EPS8: variants seen among roughly 807,000 people sequenced by gnomAD.
The protein encoded by EPS8 is epidermal growth factor receptor kinase substrate 8.
Under a neutral mutation model 103.8 loss-of-function variants are expected in EPS8, and 42 were observed. The ratio of observed to expected loss-of-function variants is 0.40; its 90% CI spans 0.32 to 0.52. The LOEUF (loss-of-function observed/expected upper bound fraction) is 0.52. EPS8 is among the 20% of genes least tolerant of loss of function. The pLI is 0.40. For missense variants in EPS8, 969 were observed against 1,005.1 expected, an observed-to-expected ratio of 0.96 and a Z score of 0.49; for synonymous variants, 344 against 344.6, an observed-to-expected ratio of 1.00 and a Z score of 0.02.
At chr12:15,712,396 A>T (rs1946477443) in intron 1 of EPS8, among the ~76,000 whole-genome samples, 1 of 152,242 alleles carries the variant, frequency 6.6e-6, no homozygotes, top group Non-Finnish European at 1.5e-5. Flanking sequence ...TCATAGTACA[A>T]CTAACATTGT....
chr12:15,657,914 G>A, intron 12 of EPS8, 165 bp downstream of exon 12: 1 of 597,076 alleles, frequency 1.7e-6, no homozygotes, highest in Non-Finnish European at 3.0e-6. Context: ...GATTTACAGG[G>A]TTCTTTTAAA....
At position 15,769,814 on chromosome 12, in the gene EPS8, A is replaced by AG. The variant is rs1947134307; in HGVS notation, c.-22+19346_-22+19347insC. Among the ~76,000 whole-genome samples the AG allele has an allele frequency of 6.6e-6, 1 of 152,190 alleles. No individual in the cohort carries two copies. The highest frequency in any genetic ancestry group is 2.4e-5 in the African/African-American group (1 of 41,446). On this transcript the variant is annotated intron_variant, in intron 1 of 20. Coordinates refer to ENST00000281172, the MANE Select transcript of EPS8 (RefSeq NM_004447.6). This position sits in a 1 kb window ranked among gnomAD's most constrained non-coding sequence, Gnocchi z 4.6. ...CAAAAATTTCCTGAACTTTCTGACC[A>AG]AAGTCATGTTTTATTATTTCTCAGA... is the stretch of plus-strand genomic sequence containing the variant.
chr12:15,721,385 T>A lies in EPS8; in HGVS notation c.-21-38413A>T, dbSNP rs1232588466. On this transcript the variant is annotated intron_variant, in intron 1 of 20. Coordinates refer to ENST00000281172, the MANE Select transcript of EPS8 (RefSeq NM_004447.6). This position sits in a 1 kb window ranked among gnomAD's most constrained non-coding sequence, Gnocchi z 4.4. ...TAACTCCAGTAGCTCATCTCCAAAC[T>A]GTTTTCCTAGATGTAATGAGGGAAA... Among the ~76,000 whole-genome samples, 1 of 152,168 alleles carries A rather than the reference T, an allele frequency of 6.6e-6. No individual in the cohort carries two copies. Among genetic ancestry groups the A allele is most frequent in the East Asian group, 1.9e-4 (1 of 5,190 alleles).
At chr12:15,724,131 T>C (rs1946627630) in intron 1 of EPS8, among the ~76,000 whole-genome samples, 1 of 152,196 alleles carries the variant, frequency 6.6e-6, no homozygotes, top group Non-Finnish European at 1.5e-5. Context: ...TTGATGTCAA[T>C]ATTCAATCCT....
chr12:15,648,357 T>C (rs538041582), intron 14 of EPS8, among the ~76,000 whole-genome samples: 1 of 152,352 alleles, frequency 6.6e-6, no homozygotes, highest in East Asian at 1.9e-4. Flanking sequence ...TATGGATTCA[T>C]TGGGGCAAAA....
chr12:15,631,510 C>T lies in EPS8; in HGVS notation c.1976G>A (p.Ser659Asn). The T allele has an allele frequency of 1.9e-6, 3 of 1,613,978 alleles. No individual in the cohort carries two copies. The highest frequency in any genetic ancestry group is 2.2e-5 in the South Asian group (2 of 91,076). The change falls in exon 18 of 21, where the codon AGC (serine) becomes AAC (asparagine). Residue 659 changes from serine to asparagine, a missense_variant. Transcript: ENST00000281172. ...ACTGCCACCACTGTCACTGGAGCTG[C>T]TGTTTTGACGTGTTATATTTGCTGG... ...KVPANITRQNSSSSDSGGSIV... is the reference protein window; with the variant it reads ...KVPANITRQNNSSSDSGGSIV...
At chr12:15,730,976 C>T (rs933796896) in intron 1 of EPS8, among the ~76,000 whole-genome samples, 1 of 152,054 alleles carries the variant, frequency 6.6e-6, no homozygotes, top group Non-Finnish European at 1.5e-5. Flanking sequence ...ATGTTAAATA[C>T]TGCTTTAAAA....
rs1355773287 is a variant in EPS8 at position 15,745,873 on chromosome 12, G to C, written c.-22+43288C>G. 6.6e-6 allele frequency among the ~76,000 whole-genome samples: 1 copy of C among 152,180 alleles called. No individual in the cohort carries two copies. The highest frequency in any genetic ancestry group is 6.5e-5 in the Admixed American group (1 of 15,274). On this transcript the variant is annotated intron_variant, in intron 1 of 20. Transcript: ENST00000281172. The surrounding 1 kb of genome is among the most constrained non-coding windows in gnomAD (Gnocchi z 4.6). ...CAAATACGTTGTCCAAATGAAACTA[G>C]TTAACATTATTAAACTGAATTACTA...
intron 1 of EPS8, among the ~76,000 whole-genome samples, chr12:15,765,035 T>C (rs1034373943): frequency 1.3e-5 from 2 of 152,234 alleles, no homozygotes; most frequent in Non-Finnish European, 2.9e-5. Context: ...AGGTTATAAT[T>C]GACCTTAGAA....
At chr12:15,753,528 C>T (rs527442100) in intron 1 of EPS8, among the ~76,000 whole-genome samples, 166 of 151,870 alleles carry the variant, frequency 1.1e-3, no homozygotes, top group Non-Finnish European at 1.9e-3. Context: ...AAGCATAAGT[C>T]GCATCAGATT....
At position 15,662,090 on chromosome 12, in the gene EPS8, G is replaced by A; in HGVS notation, c.746C>T (p.Pro249Leu). ...WAADQGDFEK[P>L]RQYHEQEETP... ...TTCTTCCTGCTCATGATACTGCCTT[G>A]GTTTCTCAACTATAGAAAGGACAAT... Residue 249 changes from proline (P) to leucine (L), a missense_variant, in exon 9 of 21, where the codon CCA (proline) becomes CTA (leucine). By Grantham distance (98) the Pro-to-Leu change is moderately conservative. Transcript: ENST00000281172. 1 of 1,613,266 alleles carries A rather than the reference G, an allele frequency of 6.2e-7. No individual in the cohort carries two copies. Among genetic ancestry groups the A allele is most frequent in the Non-Finnish European group, 8.5e-7 (1 of 1,179,340 alleles).
chr12:15,676,674 A>G (rs1945914199), intron 3 of EPS8, among the ~76,000 whole-genome samples: 1 of 152,200 alleles, frequency 6.6e-6, no homozygotes, highest in Admixed American at 6.5e-5. Flanking sequence ...GCCTAGTTGG[A>G]AAAAAATATA....
chr12:15,782,623 T>C (rs1020145186), intron 1 of EPS8, among the ~76,000 whole-genome samples: 1 of 152,130 alleles, frequency 6.6e-6, no homozygotes, highest in Non-Finnish European at 1.5e-5. Flanking sequence ...TAAATACTAG[T>C]CTACTTTATC....
rs1157180255 is a variant in EPS8 at position 15,776,226 on chromosome 12, A to C, written c.-22+12935T>G. ...CAAGAATAATTAGAAAGGGAGGAAG[A>C]AGCAGCTGAAATGATCATAGCTAGA... On this transcript the variant is annotated intron_variant, in intron 1 of 20. Transcript: ENST00000281172. The surrounding 1 kb of genome is among the most constrained non-coding windows in gnomAD (Gnocchi z 4.2). Among the ~76,000 whole-genome samples, 3 of 152,226 alleles carry C rather than the reference A, an allele frequency of 2.0e-5. No homozygotes were observed. The highest frequency in any genetic ancestry group is 4.4e-5 in the Non-Finnish European group (3 of 68,028).
chr12:15,770,436 G>T (rs567666538), intron 1 of EPS8, among the ~76,000 whole-genome samples: 3 of 152,068 alleles, frequency 2.0e-5, no homozygotes, highest in Non-Finnish European at 4.4e-5. Context: ...GCCCTTTTGG[G>T]TTTAGTTCAT....
At chr12:15,629,311 G>A (rs1226820416) in intron 18 of EPS8, among the ~76,000 whole-genome samples, 1 of 152,218 alleles carries the variant, frequency 6.6e-6, no homozygotes, top group Non-Finnish European at 1.5e-5. Flanking sequence ...AATGGGGACT[G>A]GAGGCCGATG....
intron 1 of EPS8, among the ~76,000 whole-genome samples, chr12:15,741,828 C>T (rs1300601388): frequency 6.6e-6 from 1 of 152,120 alleles, no homozygotes; most frequent in Non-Finnish European, 1.5e-5. Context: ...TCGTCATTTA[C>T]ATTAGGTATA....
intron 1 of EPS8, among the ~76,000 whole-genome samples, chr12:15,691,536 G>A (rs753455815): frequency 1.3e-5 from 2 of 152,112 alleles, no homozygotes; most frequent in African/African-American, 4.8e-5. Context: ...GGAGACATTC[G>A]GTTCATAACT....
At chr12:15,653,875 G>C (rs1190008424) in intron 13 of EPS8, among the ~76,000 whole-genome samples, 1 of 152,150 alleles carries the variant, frequency 6.6e-6, no homozygotes, top group African/African-American at 2.4e-5. Context: ...TTCTTTGAAA[G>C]CTAACTACCC....
Sources: gnomAD v4.1 joint callset for allele counts (sites outside exome capture counted in the v4.1 genomes callset) on GRCh38, gnomAD v4.1.1 for gene constraint, Gnocchi (gnomAD v3.1) non-coding constraint, MANE v1.5 for transcripts, NCBI Gene and HGNC (gene_info 2026-07-23, HGNC 2026-07-21) for gene names.